CSMD3: variants seen among roughly 807,000 people sequenced by gnomAD.
CSMD3 encodes the protein CUB and sushi domain-containing protein 3.
In CSMD3, 177 loss-of-function variants were observed where a neutral mutation model predicts 435.2. That is an observed-to-expected ratio of 0.41 (90% CI 0.36 to 0.46). The LOEUF is 0.46. CSMD3 is among the 20% of genes least tolerant of loss of function. CSMD3 has a pLI of 0.34. For missense variants in CSMD3, 4,265 were observed against 4,504.6 expected (o/e 0.95, Z 1.52); for synonymous variants, 1,656 against 1,520.5 (o/e 1.09, Z -2.07).
In CSMD3 at chr8:112,849,317, A is replaced by G. The variant is rs1041417870; in HGVS notation, c.1755+9828T>C. ...TCATAACAATAACTCAATATTGATAAAAGTATATTACATTTAAAGAGAGCA... is the reference window on the plus strand; with the variant it reads ...TCATAACAATAACTCAATATTGATAGAAGTATATTACATTTAAAGAGAGCA... On this transcript the variant is annotated intron_variant, in intron 11 of 70. Transcript: ENST00000297405. 2.0e-5 allele frequency among the ~76,000 whole-genome samples: 3 copies of G among 152,082 alleles called. No homozygotes were observed. In the East Asian group the frequency reaches 5.8e-4, roughly 29 times the overall value.
At chr8:113,136,361 G>T (rs1253467448) in intron 4 of CSMD3, among the ~76,000 whole-genome samples, 1 of 151,710 alleles carries the variant, frequency 6.6e-6, no homozygotes, top group Non-Finnish European at 1.5e-5. Flanking sequence ...ACTTAAATTT[G>T]AACAGCTAAC....
At chr8:112,593,473 G>A (rs1831377579) in intron 22 of CSMD3, among the ~76,000 whole-genome samples, 1 of 152,184 alleles carries the variant, frequency 6.6e-6, no homozygotes, top group South Asian at 2.1e-4. Flanking sequence ...TGATTATAAT[G>A]CTGATGAATG....
rs578172988 is a variant in CSMD3 at position 112,281,293 on chromosome 8, C to T, written c.9389G>A (p.Gly3130Asp). Residue 3130 changes from glycine (G) to aspartate (D), a missense_variant, in exon 59 of 71, where the codon GGC (glycine) becomes GAC (aspartate). By Grantham distance (94) the Gly-to-Asp change is moderately conservative. Coordinates refer to ENST00000297405, the MANE Select transcript of CSMD3 (RefSeq NM_198123.2). ...AATGACTGAACTAGAAAATGTTGTG[C>T]CATCAATTCGGAAGACTTTCCCATT... ...TANGKVFRID[G>D]TTFSSSVIYS... The T allele has an allele frequency of 1.9e-6, 3 of 1,613,372 alleles. No homozygotes were observed. In the East Asian group the frequency reaches 6.7e-5, roughly 36 times the overall value.
chr8:112,359,471 A>G (rs947884393), intron 38 of CSMD3, among the ~76,000 whole-genome samples: 6 of 152,150 alleles, frequency 3.9e-5, no homozygotes, highest in Non-Finnish European at 5.9e-5. Context: ...CACTCAGTAA[A>G]CATTACTTGT....
chr8:112,682,733 A>C (rs1259077682), intron 15 of CSMD3, 97 bp from the exon 16 acceptor site: 3 of 881,328 alleles, frequency 3.4e-6, no homozygotes, highest in African/African-American at 1.7e-5. Flanking sequence ...AGAAAGAGAT[A>C]TTTTAAAAGG....
intron 3 of CSMD3, among the ~76,000 whole-genome samples, chr8:113,239,873 AT>A (rs1196607649): frequency 6.6e-6 from 1 of 152,158 alleles, no homozygotes; most frequent in Non-Finnish European, 1.5e-5. Context: ...AAAACCTTTT[AT>A]TTTAAATTCA....
At chr8:112,698,311 T>A (rs1448817956) in intron 13 of CSMD3, among the ~76,000 whole-genome samples, 1 of 152,070 alleles carries the variant, frequency 6.6e-6, no homozygotes, top group African/African-American at 2.4e-5. Context: ...AAAATATGAA[T>A]ATAACTAGAT....
At chr8:112,850,477 G>C (rs2080453701) in intron 11 of CSMD3, among the ~76,000 whole-genome samples, 1 of 152,230 alleles carries the variant, frequency 6.6e-6, no homozygotes, top group Non-Finnish European at 1.5e-5. Context: ...TTGATGAATG[G>C]ACTGGTATAG....
At chr8:112,342,291 T>C (rs541866308) in intron 41 of CSMD3, among the ~76,000 whole-genome samples, 27 of 152,134 alleles carry the variant, frequency 1.8e-4, no homozygotes, top group Non-Finnish European at 2.6e-4. Flanking sequence ...CATATTGCAA[T>C]GTAATCTCAA....
At chr8:113,406,071 G>T (rs138062889) in intron 1 of CSMD3, among the ~76,000 whole-genome samples, 1 of 151,736 alleles carries the variant, frequency 6.6e-6, no homozygotes, top group Non-Finnish European at 1.5e-5. Flanking sequence ...TGACAAAATT[G>T]TCAAATTTCA....
At chr8:113,285,354 G>A (rs1310465046) in intron 2 of CSMD3, among the ~76,000 whole-genome samples, 3 of 86,496 alleles carry the variant, frequency 3.5e-5, no homozygotes, top group African/African-American at 2.4e-4. Flanking sequence ...CCACCTCCCG[G>A]GTTCACCCCA....
intron 35 of CSMD3, among the ~76,000 whole-genome samples, chr8:112,401,959 G>T (rs1437095018): frequency 6.6e-6 from 1 of 152,090 alleles, no homozygotes; most frequent in Non-Finnish European, 1.5e-5. Context: ...TCAAACACTT[G>T]ATCAGTACTG....
At position 112,698,850 on chromosome 8, in the gene CSMD3, AG is replaced by A. The variant is rs559811860; in HGVS notation, c.1973-8801del. Among the ~76,000 whole-genome samples, 709 of 152,266 alleles carry A rather than the reference AG, an allele frequency of 4.7e-3. 4 individuals are homozygous for A. Among genetic ancestry groups the A allele is most frequent in the African/African-American group, 0.016 (685 of 41,560 alleles). On this transcript the variant is annotated intron_variant, in intron 13 of 70. Coordinates refer to ENST00000297405, the MANE Select transcript of CSMD3 (RefSeq NM_198123.2). ...TTGGAGAACTTTTCTATCTAGCTAAAGGATTGTAAATGCACCAATCGGTGCT... is the reference window on the plus strand; with the variant it reads ...TTGGAGAACTTTTCTATCTAGCTAAAGATTGTAAATGCACCAATCGGTGCT...
chr8:112,953,336 A>G (rs568220428), intron 8 of CSMD3, among the ~76,000 whole-genome samples: 148 of 151,616 alleles, frequency 9.8e-4, no homozygotes, highest in Admixed American at 1.5e-3. Context: ...CATAGAAAAT[A>G]CATCTTTCTC....
chr8:112,541,534 T>G (rs904610045), intron 27 of CSMD3, among the ~76,000 whole-genome samples: 1 of 151,732 alleles, frequency 6.6e-6, no homozygotes, highest in Non-Finnish European at 1.5e-5. Flanking sequence ...AAATATACAG[T>G]CTACCAAGAC....
chr8:112,902,271 A>G (rs988510896), intron 10 of CSMD3, among the ~76,000 whole-genome samples: 1 of 151,174 alleles, frequency 6.6e-6, no homozygotes, highest in South Asian at 2.1e-4. Context: ...CCAGTGTCTG[A>G]CCCATAGTTA....
intron 7 of CSMD3, among the ~76,000 whole-genome samples, chr8:112,966,291 T>C (rs1202587301): frequency 2.0e-5 from 3 of 151,628 alleles, no homozygotes; most frequent in African/African-American, 4.8e-5. Flanking sequence ...AAAGATGCTA[T>C]TAAAATAAAT....
At chr8:112,516,538 G>A (rs1823689144) in intron 28 of CSMD3, among the ~76,000 whole-genome samples, 7 of 152,152 alleles carry the variant, frequency 4.6e-5, no homozygotes. Context: ...CTGGAAGTAT[G>A]ATCCAGGCGC....
At chr8:112,862,686 C>T (rs2080859737) in intron 10 of CSMD3, among the ~76,000 whole-genome samples, 1 of 152,022 alleles carries the variant, frequency 6.6e-6, no homozygotes, top group Non-Finnish European at 1.5e-5. Context: ...TGGCTTACAA[C>T]AATGAGTAAT....
Sources: allele counts gnomAD v4.1 joint callset (sites outside exome capture counted in the v4.1 genomes callset), GRCh38; gene constraint gnomAD v4.1.1; transcripts MANE v1.5; gene names NCBI Gene and HGNC (gene_info 2026-07-23, HGNC 2026-07-21).